The following ABCB8 variants were observed in gnomAD, a reference collection of about 807,000 sequenced individuals.
ABCB8 encodes mitochondrial potassium channel ATP-binding subunit.
In ABCB8, 52 loss-of-function variants were observed where a neutral mutation model predicts 73.0. The observed-to-expected ratio is 0.71, with a 90% CI of 0.57 to 0.90. ABCB8 has a LOEUF of 0.90. Among genes scored for constraint, ABCB8 ranks in the 40% least tolerant of loss-of-function variants. ABCB8 has a pLI of 0.00. For missense variants in ABCB8, 909 were observed against 974.6 expected (o/e 0.93, Z 0.90); for synonymous variants, 428 against 423.5 (o/e 1.01, Z -0.13).
In ABCB8 at chr7:151,036,312, G is replaced by A. The variant is rs1216934020; in HGVS notation, c.1111+142G>A. 11 of 963,854 alleles carry A rather than the reference G, an allele frequency of 1.1e-5. No individual in the cohort carries two copies. The Admixed American group carries it at 2.6e-4, about 23-fold the overall frequency. 59.7% of individuals were successfully genotyped at this position (963,854 alleles called of 1,614,324 possible). On this transcript the variant is annotated intron_variant, in intron 8 of 15. Coordinates refer to ENST00000358849, the MANE Select transcript of ABCB8 (RefSeq NM_007188.5). ...CAGCTGCTAACTCTTGCAGGTAAAG[G>A]GAGGGTGCCGATGTCCCAACCCAGC...
At chr7:151,036,492 G>C (rs1392868879) in intron 8 of ABCB8, 52 bp from the exon 9 acceptor site, 1 of 1,463,666 alleles carries the variant, frequency 6.8e-7, no homozygotes, top group Admixed American at 1.7e-5. Flanking sequence ...GCAGGCCCAG[G>C]GCTGTTTCCT....
Position 151,040,809 on chromosome 7 carries a change from GTC to G in ABCB8, c.1389-14_1389-13del, listed in dbSNP as rs1563300638. ...GGCTGGGAGCCTGGTCTGACTGGGG[GTC>G]TCTCGGCTCCTCCCAGCTACCCCTG... On this transcript the variant is annotated splice_polypyrimidine_tract_variant and intron_variant, in intron 11 of 15. Coordinates refer to ENST00000358849, the MANE Select transcript of ABCB8 (RefSeq NM_007188.5). 3 of 1,586,440 alleles carry G rather than the reference GTC, an allele frequency of 1.9e-6. No homozygotes were observed. The Admixed American group carries it at 5.4e-5, about 29-fold the overall frequency.
chr7:151,033,248 C>T (rs1008632074), intron 1 of ABCB8: 2 of 447,116 alleles, frequency 4.5e-6, no homozygotes, highest in African/African-American at 4.0e-5. Context: ...CCTTCCTGTC[C>T]AGGCAGTGTG....
At chr7:151,033,491 C>T (rs1483975515) in intron 1 of ABCB8, 114 bp from the exon 2 acceptor site, 2 of 1,473,270 alleles carry the variant, frequency 1.4e-6, no homozygotes, top group East Asian at 4.8e-5. Context: ...GGGCAAGGGC[C>T]TGACAGAAGA....
In ABCB8 at chr7:151,034,311, C is replaced by T; in HGVS notation, c.447C>T (p.Pro149=). 6.2e-7 allele frequency: 1 copy of T among 1,613,774 alleles called. No homozygotes were observed. The highest frequency in any genetic ancestry group is 8.5e-7 in the Non-Finnish European group (1 of 1,180,002). Residue 149 remains proline, a synonymous_variant, in exon 3 of 16, where the codon CCC becomes CCT. Transcript: ENST00000358849. The part of the protein sequence containing the change: ...LGAALVNVQI[P]LLLGQLVEVV... ...CGGCACTCGTGAATGTACAGATCCC[C>T]CTGCTCCTGGGCCAGCTGGTAGAGG...
Position 151,034,507 on chromosome 7 carries a change from A to T in ABCB8, c.567A>T (p.Gly189=), listed in dbSNP as rs200375752. 2.5e-6 allele frequency: 4 copies of T among 1,613,432 alleles called. No homozygotes were observed. In the Admixed American group the frequency reaches 5.0e-5, roughly 20 times the overall value. The change falls in exon 4 of 16, where the codon GGA becomes GGT. Residue 189 remains glycine, a splice_region_variant and synonymous_variant. Transcript: ENST00000358849. ...THLLILYGVQ[G]LLTFGYLVLL... ...GAGTGCACTGGGCTCTTTCGCAGGGACTGCTGACCTTCGGGTACCTGGTGC... is the reference window on the plus strand; with the variant it reads ...GAGTGCACTGGGCTCTTTCGCAGGGTCTGCTGACCTTCGGGTACCTGGTGC...
At chr7:151,029,162 T>A (rs539973284) in intron 1 of ABCB8, 33 of 293,872 alleles carry the variant, frequency 1.1e-4, no homozygotes, top group African/African-American at 7.2e-4. Context: ...TTTGCCGTGA[T>A]TGGTGGCACG....
In ABCB8 at chr7:151,045,238, A is replaced by G. The variant is rs768048846; in HGVS notation, c.2046A>G (p.Lys682=). ...EAGTHEELLK[K]GGLYAELIRR... is the part of the protein sequence containing the mutation. ...GGACACATGAAGAGCTCCTGAAGAA[A>G]GGCGGGCTATACGCCGAGCTCATCC... is the stretch of plus-strand genomic sequence containing the variant. The change falls in exon 16 of 16, where the codon AAA becomes AAG. Residue 682 remains lysine, a synonymous_variant. Transcript: ENST00000358849. The G allele has an allele frequency of 6.9e-6, 11 of 1,593,478 alleles. No individual in the cohort carries two copies. The Middle Eastern group carries it at 6.7e-4, about 97-fold the overall frequency.
At chr7:151,036,263 T>C (rs1435820467) in intron 8 of ABCB8, 93 bp downstream of exon 8, 2 of 1,288,854 alleles carry the variant, frequency 1.6e-6, no homozygotes, top group Non-Finnish European at 2.1e-6. Context: ...CTTCATCTGC[T>C]GGCTGCCTGC....
At chr7:151,040,229 G>C (rs753900722) in intron 9 of ABCB8, 39 bp from the exon 10 acceptor site, 3 of 1,605,156 alleles carry the variant, frequency 1.9e-6, no homozygotes, top group Admixed American at 3.5e-5. Flanking sequence ...GGCTCTTCTT[G>C]TTCCCATCTA....
intron 1 of ABCB8, among the ~76,000 whole-genome samples, chr7:151,030,118 G>T (rs900120278): frequency 2.0e-5 from 3 of 152,216 alleles, no homozygotes; most frequent in African/African-American, 7.2e-5. Context: ...AAACCAGAGA[G>T]AAACCCAAGG....
chr7:151,029,292 ACT>A (rs1274237457), intron 1 of ABCB8, among the ~76,000 whole-genome samples: 3 of 148,340 alleles, frequency 2.0e-5, no homozygotes, highest in Non-Finnish European at 4.5e-5. Context: ...ATAGAGTGAG[ACT>A]CTGCCTCAGA....
chr7:151,028,956 C>A, intron 1 of ABCB8: 1 of 1,285,464 alleles, frequency 7.8e-7, no homozygotes, highest in South Asian at 1.3e-5. Flanking sequence ...TATGAAGAGA[C>A]ATTTAATGTA....
At position 151,033,689 on chromosome 7, in the gene ABCB8, C is replaced by G. The variant is rs1796225042; in HGVS notation, c.180C>G (p.Ala60=). 1.2e-6 allele frequency: 2 copies of G among 1,612,408 alleles called. No individual in the cohort carries two copies. Among genetic ancestry groups the G allele is most frequent in the Non-Finnish European group, 1.7e-6 (2 of 1,179,026 alleles). Residue 60 remains alanine (A), a synonymous_variant, in exon 2 of 16, where the codon GCC becomes GCG. Transcript: ENST00000358849. ...RSQLWAHLPR[A]PLAPRWSPSA... is the part of the protein sequence containing the mutation. ...AGCTCTGGGCCCACCTCCCTCGAGC[C>G]CCCCTAGCTCCCAGATGGAGCCCCT...
intron 9 of ABCB8, chr7:151,036,889 A>C (rs1430422999): frequency 1.3e-6 from 1 of 753,322 alleles, no homozygotes; most frequent in Admixed American, 1.7e-5. Flanking sequence ...CAGCCTTCCA[A>C]AGGACCCAGA....
intron 9 of ABCB8, chr7:151,037,618 C>T (rs954297732): frequency 8.1e-5 from 32 of 397,328 alleles, no homozygotes; most frequent in Non-Finnish European, 1.4e-4. Flanking sequence ...CTCCACGAAC[C>T]GTGCATCACC....
chr7:151,033,610 C>T lies in ABCB8; in HGVS notation c.101C>T (p.Ser34Phe). 6.4e-7 allele frequency: 1 copy of T among 1,570,566 alleles called. No homozygotes were observed. The highest frequency in any genetic ancestry group is 8.7e-7 in the Non-Finnish European group (1 of 1,155,438). Residue 34 changes from serine to phenylalanine, a missense_variant, in exon 2 of 16, where the codon TCT (serine) becomes TTT (phenylalanine). Transcript: ENST00000358849. ...RFQTFSAVRYSDGYRSSSLLR... is the reference protein window; with the variant it reads ...RFQTFSAVRYFDGYRSSSLLR... Reference sequence around the variant, plus strand: ...ATGCCTCTCTCTCCTTACAGGTACTCTGATGGCTACCGCAGCTCCTCCCTC... The same window carrying T: ...ATGCCTCTCTCTCCTTACAGGTACTTTGATGGCTACCGCAGCTCCTCCCTC...
intron 1 of ABCB8, chr7:151,028,988 G>A (rs924414198): frequency 8.2e-7 from 1 of 1,226,752 alleles, no homozygotes; most frequent in African/African-American, 1.6e-5. Flanking sequence ...AGGATTCAAA[G>A]TGAGTCGAAG....
chr7:151,035,457 C>T (rs1025869479), intron 5 of ABCB8, 124 bp from the exon 6 acceptor site: 13 of 1,207,084 alleles, frequency 1.1e-5, no homozygotes, highest in African/African-American at 1.1e-4. Flanking sequence ...CACTGGGCCT[C>T]CCAGGGGCCA....
Sources: allele counts gnomAD v4.1 joint callset (sites outside exome capture counted in the v4.1 genomes callset), GRCh38; gene constraint gnomAD v4.1.1; transcripts MANE v1.5; gene names NCBI Gene and HGNC (gene_info 2026-07-23, HGNC 2026-07-21).